Variants in ZNF592 observed in about 807,000 individuals in gnomAD.
The protein encoded by ZNF592 is spinocerebellar ataxia, autosomal recessive 5.
A neutral mutation model predicts 80.3 loss-of-function variants in ZNF592; 11 were observed. That is an observed-to-expected ratio of 0.14 (90% CI 0.09 to 0.23). The LOEUF is 0.23. Among genes scored for constraint, ZNF592 ranks in the 10% least tolerant of loss-of-function variants. The pLI is 1.00. For missense variants in ZNF592, 1,420 were observed against 1,633.9 expected, an observed-to-expected ratio of 0.87 and a Z score of 2.26; for synonymous variants, 646 against 640.3, an observed-to-expected ratio of 1.01 and a Z score of -0.13.
At position 84,758,194 on chromosome 15, in the gene ZNF592, C is replaced by T. The variant is rs371754820; in HGVS notation, c.-258-6513C>T. ...TTCACCATCTTGGCCAGGCTGGTCT[C>T]GAACTTCTGACCTTGTGATCCACCC... On this transcript the variant is annotated intron_variant, in intron 1 of 10. Coordinates refer to ENST00000560079, the MANE Select transcript of ZNF592 (RefSeq NM_014630.3). Among the ~76,000 whole-genome samples the T allele has an allele frequency of 2.0e-3, 301 of 147,044 alleles. 9 individuals carry two copies. In the South Asian group the frequency reaches 0.036, roughly 17 times the overall value.
At position 84,799,167 on chromosome 15, in the gene ZNF592, A is replaced by G. The variant is rs1346375603; in HGVS notation, c.3094A>G (p.Ile1032Val). 2.5e-6 allele frequency: 4 copies of G among 1,614,188 alleles called. No individual in the cohort carries two copies. The African/African-American group carries it at 4.0e-5, about 16-fold the overall frequency. The change falls in exon 9 of 11, where the codon ATC becomes GTC. Residue 1032 changes from isoleucine to valine, a missense_variant. Physicochemically the swap from Ile to Val is conservative, Grantham distance 29 (BLOSUM62 3). Around this residue, in one of 7 missense-constraint regions of ZNF592, gnomAD observed 331 missense variants for 347.0 expected, o/e 0.95. Coordinates refer to ENST00000560079, the MANE Select transcript of ZNF592 (RefSeq NM_014630.3). This position sits in a 1 kb window ranked among gnomAD's most constrained non-coding sequence, Gnocchi z 4.2. Reference protein sequence around the residue: ...FHTPNSLRKHIRNNHDTVKKF... With the variant: ...FHTPNSLRKHVRNNHDTVKKF... ...CACCCCCAACAGCCTGCGCAAACAC[A>G]TCCGCAACAACCATGACACAGTAAA...
At chr15:84,794,575 C>T (rs1042134250) in intron 5 of ZNF592, among the ~76,000 whole-genome samples, 17 of 152,132 alleles carry the variant, frequency 1.1e-4, no homozygotes, top group Admixed American at 2.0e-4. Flanking sequence ...ACCCCGGGTT[C>T]AAGCACTTCT....
rs960867935 is a variant in ZNF592 at position 84,759,961 on chromosome 15, C to A, written c.-258-4746C>A. On this transcript the variant is annotated intron_variant, in intron 1 of 10. Transcript: ENST00000560079. ...TTTAAGGATTGGGGAGATTCCCCCC[C>A]CCCCCACCCTGCCATTTAAAAAGTA... 1.4e-4 allele frequency among the ~76,000 whole-genome samples: 7 copies of A among 48,400 alleles called. 1 individual carries two copies. The highest frequency in any genetic ancestry group is 1.8e-3 in the East Asian group (1 of 564). The allele number at this position is 48,400 out of a possible 152,430, so 31.8% of individuals were successfully genotyped here.
chr15:84,798,947 A>T lies in ZNF592; in HGVS notation c.3024+72A>T. 6.3e-7 allele frequency: 1 copy of T among 1,596,920 alleles called. No individual in the cohort carries two copies. The highest frequency in any genetic ancestry group is 8.5e-7 in the Non-Finnish European group (1 of 1,173,278). ...TTCCTTCTGTGAAGCCAGAACCCCT[A>T]GGGTTCCTGGTGCTTAGGGCAGGGT... On this transcript the variant is annotated intron_variant, in intron 8 of 10. Coordinates refer to ENST00000560079, the MANE Select transcript of ZNF592 (RefSeq NM_014630.3). This position sits in a 1 kb window ranked among gnomAD's most constrained non-coding sequence, Gnocchi z 4.5.
At position 84,783,519 on chromosome 15, in the gene ZNF592, T is replaced by C. The variant is rs1962486939; in HGVS notation, c.844T>C (p.Ser282Pro). Residue 282 changes from serine to proline, a missense_variant, in exon 4 of 11, where the codon TCC (serine) becomes CCC (proline). Physicochemically the swap from Ser to Pro is moderately conservative, Grantham distance 74. Around this residue, in one of 7 missense-constraint regions of ZNF592, gnomAD observed 373 missense variants for 355.5 expected, o/e 1.05. Coordinates refer to ENST00000560079, the MANE Select transcript of ZNF592 (RefSeq NM_014630.3). This position sits in a 1 kb window ranked among gnomAD's most constrained non-coding sequence, Gnocchi z 5.0. ...QRLKPAHSKL[S>P]SCVAALVALQ... ...TCTAAAGCCAGCTCATTCCAAGCTG[T>C]CCTCTTGTGTGGCAGCCTTGGTGGC... 1 of 1,614,088 alleles carries C rather than the reference T, an allele frequency of 6.2e-7. No individual in the cohort carries two copies. Among genetic ancestry groups the C allele is most frequent in the African/African-American group, 1.3e-5 (1 of 74,930 alleles).
At chr15:84,800,861 CG>C (rs1567079144) in intron 10 of ZNF592, among the ~76,000 whole-genome samples, 1 of 152,200 alleles carries the variant, frequency 6.6e-6, no homozygotes, top group Non-Finnish European at 1.5e-5. Context: ...GTAACAAAGA[CG>C]GAACTCAGCT....
At chr15:84,788,151 G>A (rs1962641644) in intron 4 of ZNF592, among the ~76,000 whole-genome samples, 1 of 152,156 alleles carries the variant, frequency 6.6e-6, no homozygotes, top group Admixed American at 6.5e-5. Flanking sequence ...GGAGGGTGCT[G>A]CGTTCTTCCT....
In ZNF592 at chr15:84,784,058, C is replaced by T. The variant is rs1962508450; in HGVS notation, c.1383C>T (p.Pro461=). Residue 461 remains proline (P), a synonymous_variant, in exon 4 of 11, where the codon CCC becomes CCT. Coordinates refer to ENST00000560079, the MANE Select transcript of ZNF592 (RefSeq NM_014630.3). The surrounding 1 kb of genome is among the most constrained non-coding windows in gnomAD (Gnocchi z 5.8). ...SMTKASDSSS[P]SCSSGPRVPK... is the part of the protein sequence containing the mutation. ...CAAAGGCCAGTGACTCGTCATCTCC[C>T]AGCTGCAGTTCTGGGCCCCGGGTCC... is the stretch of plus-strand genomic sequence containing the variant. 6.2e-7 allele frequency: 1 copy of T among 1,613,318 alleles called. No homozygotes were observed. Among genetic ancestry groups the T allele is most frequent in the African/African-American group, 1.3e-5 (1 of 74,912 alleles).
intron 2 of ZNF592, among the ~76,000 whole-genome samples, chr15:84,777,310 C>G (rs1355291293): frequency 6.6e-6 from 1 of 151,804 alleles, no homozygotes; most frequent in African/African-American, 2.4e-5. Flanking sequence ...AACCCCGTCT[C>G]TACTAAAAAT....
In ZNF592 at chr15:84,784,091, G is replaced by C; in HGVS notation, c.1416G>C (p.Gly472=). Residue 472 remains glycine (G), a synonymous_variant, in exon 4 of 11, where the codon GGG becomes GGC. Transcript: ENST00000560079. The surrounding 1 kb of genome is among the most constrained non-coding windows in gnomAD (Gnocchi z 5.8). ...SCSSGPRVPK[G]AAPGSQTGKK... Reference sequence around the variant, plus strand: ...GTTCTGGGCCCCGGGTCCCAAAGGGGGCTGCCCCAGGCTCACAGACAGGCA... The same window carrying C: ...GTTCTGGGCCCCGGGTCCCAAAGGGCGCTGCCCCAGGCTCACAGACAGGCA... The C allele has an allele frequency of 6.2e-7, 1 of 1,614,142 alleles. No individual in the cohort carries two copies. The highest frequency in any genetic ancestry group is 8.5e-7 in the Non-Finnish European group (1 of 1,180,018).
At chr15:84,754,599 G>A (rs1403211415) in intron 1 of ZNF592, 4 of 150,978 alleles carry the variant, frequency 2.6e-5, no homozygotes, top group Non-Finnish European at 5.9e-5. Flanking sequence ...CCGGCATGGT[G>A]GTTTACACCT....
At chr15:84,789,585 C>T (rs1962685082) in intron 4 of ZNF592, among the ~76,000 whole-genome samples, 1 of 152,234 alleles carries the variant, frequency 6.6e-6, no homozygotes, top group Admixed American at 6.5e-5. Flanking sequence ...TCCATATCCT[C>T]ACCAGCACTT....
At chr15:84,796,401 T>C (rs1962923004) in intron 5 of ZNF592, among the ~76,000 whole-genome samples, 1 of 150,470 alleles carries the variant, frequency 6.6e-6, no homozygotes, top group Non-Finnish European at 1.5e-5. Flanking sequence ...GGGATGTCAA[T>C]AATATGAGGG....
intron 5 of ZNF592, among the ~76,000 whole-genome samples, chr15:84,793,260 A>T (rs1206358944): frequency 2.0e-5 from 3 of 152,070 alleles, no homozygotes; most frequent in Non-Finnish European, 2.9e-5. Flanking sequence ...TATTTTTAGT[A>T]GAGATGGGGT....
rs1197360231 is a variant in ZNF592 at position 84,802,946 on chromosome 15, C to G, written c.*553C>G. 1 of 157,804 alleles carries G rather than the reference C, an allele frequency of 6.3e-6. No individual in the cohort carries two copies. The highest frequency in any genetic ancestry group is 1.9e-4 in the East Asian group (1 of 5,336). 9.8% of individuals were successfully genotyped at this position (157,804 alleles called of 1,614,324 possible). On this transcript the variant is annotated 3_prime_UTR_variant, in exon 11 of 11. Coordinates refer to ENST00000560079, the MANE Select transcript of ZNF592 (RefSeq NM_014630.3). ...CCTCCCTGTCTTCTCTGATTCTTTT[C>G]CCTCAAAATAGTCCTGAGAACTAAT...
At chr15:84,775,017 G>A (rs1239990376) in intron 2 of ZNF592, among the ~76,000 whole-genome samples, 1 of 152,056 alleles carries the variant, frequency 6.6e-6, no homozygotes, top group Non-Finnish European at 1.5e-5. Flanking sequence ...CTGACCTCAG[G>A]TGATCCACCT....
intron 1 of ZNF592, among the ~76,000 whole-genome samples, chr15:84,750,859 G>T (rs894241108): frequency 6.6e-6 from 1 of 152,148 alleles, no homozygotes; most frequent in African/African-American, 2.4e-5. Context: ...GGAGACTAGG[G>T]CCAAATTAGA....
intron 1 of ZNF592, among the ~76,000 whole-genome samples, chr15:84,757,701 C>T (rs962326488): frequency 6.6e-6 from 1 of 151,342 alleles, no homozygotes; most frequent in African/African-American, 2.4e-5. Context: ...CTCTGTCCCC[C>T]AGGCTAGAGT....
At position 84,799,199 on chromosome 15, in the gene ZNF592, C is replaced by G. The variant is rs774260756; in HGVS notation, c.3126C>G (p.Phe1042Leu). ...IRNNHDTVKK[F>L]YTCGYCTEDS... ...ACAACCATGACACAGTAAAGAAGTT[C>G]TACACCTGCGGGTGAGTCCCTGGGG... is the stretch of plus-strand genomic sequence containing the variant. Residue 1042 changes from phenylalanine (F) to leucine (L), a missense_variant, in exon 9 of 11, where the codon TTC (phenylalanine) becomes TTG (leucine). By Grantham distance (22) the Phe-to-Leu change is conservative. Around this residue, in one of 7 missense-constraint regions of ZNF592, gnomAD observed 331 missense variants for 347.0 expected, o/e 0.95. Transcript: ENST00000560079. The surrounding 1 kb of genome is among the most constrained non-coding windows in gnomAD (Gnocchi z 4.2). 3.7e-6 allele frequency: 6 copies of G among 1,614,084 alleles called. No individual in the cohort carries two copies. The highest frequency in any genetic ancestry group is 4.2e-6 in the Non-Finnish European group (5 of 1,180,034).
Sources: gnomAD v4.1 joint callset for allele counts (sites outside exome capture counted in the v4.1 genomes callset) on GRCh38, gnomAD v4.1.1 for gene constraint, gnomAD v4.1.1 regional missense constraint, Gnocchi (gnomAD v3.1) non-coding constraint, MANE v1.5 for transcripts, NCBI Gene and HGNC (gene_info 2026-07-23, HGNC 2026-07-21) for gene names.